Variants in TMEM131 observed in about 807,000 individuals in gnomAD.
The protein encoded by TMEM131 is 2610524E03Rik.
A neutral mutation model predicts 211.6 loss-of-function variants in TMEM131; 66 were observed. That is an observed-to-expected ratio of 0.31 (90% confidence interval 0.26 to 0.38). The LOEUF is 0.38. TMEM131 is among the 10% of genes least tolerant of loss of function. TMEM131 has a pLI of 1.00. For synonymous variants in TMEM131, 844 were observed against 841.3 expected (o/e 1.00, Z -0.06); for missense variants, 2,036 against 2,299.3 (o/e 0.89, Z 2.34).
intron 3 of TMEM131, among the ~76,000 whole-genome samples, chr2:97,896,231 T>G (rs1353640163): frequency 6.6e-6 from 1 of 151,688 alleles, no homozygotes; most frequent in Admixed American, 6.6e-5. Flanking sequence ...TCTGAGAAAC[T>G]GTTATGATTT....
intron 1 of TMEM131, among the ~76,000 whole-genome samples, chr2:97,930,587 G>A (rs1294944756): frequency 6.9e-6 from 1 of 144,676 alleles, no homozygotes; most frequent in Admixed American, 6.8e-5. Flanking sequence ...TTCAACTCTG[G>A]CATAAAACAA....
At chr2:97,866,779 T>G (rs1674288273) in intron 4 of TMEM131, among the ~76,000 whole-genome samples, 1 of 152,236 alleles carries the variant, frequency 6.6e-6, no homozygotes, top group Non-Finnish European at 1.5e-5. Flanking sequence ...TCCCAAGACT[T>G]TTTTGATTTC....
At chr2:97,879,239 C>A (rs982478569) in intron 4 of TMEM131, among the ~76,000 whole-genome samples, 81 of 152,050 alleles carry the variant, frequency 5.3e-4, no homozygotes, top group Non-Finnish European at 1.3e-4. Flanking sequence ...AGGATACCGG[C>A]AGTGAGAGAG....
chr2:97,970,030 A>G (rs1367830962), intron 1 of TMEM131, among the ~76,000 whole-genome samples: 8 of 152,218 alleles, frequency 5.3e-5, no homozygotes, highest in Non-Finnish European at 7.3e-5. Flanking sequence ...TGACTGTTAT[A>G]GTACTGCTGA....
intron 15 of TMEM131, 65 bp downstream of exon 15, chr2:97,813,906 A>G: frequency 1.5e-6 from 2 of 1,290,730 alleles, no homozygotes; most frequent in Non-Finnish European, 2.1e-6. Flanking sequence ...CGACTGCCTA[A>G]TAAGATCTGA....
intron 2 of TMEM131, among the ~76,000 whole-genome samples, chr2:97,919,002 G>A (rs1051566140): frequency 1.3e-5 from 2 of 152,176 alleles, no homozygotes; most frequent in African/African-American, 2.4e-5. Flanking sequence ...GAGCTCAGCT[G>A]GGACTGCTGA....
intron 3 of TMEM131, 86 bp from the exon 4 acceptor site, chr2:97,888,206 A>G: frequency 1.8e-6 from 2 of 1,126,180 alleles, no homozygotes; most frequent in Non-Finnish European, 2.5e-6. Flanking sequence ...GACTTTTGTC[A>G]TAACAATGCC....
chr2:97,765,439 G>C (rs1679113606), intron 35 of TMEM131: 2 of 152,394 alleles, frequency 1.3e-5, no homozygotes, highest in Admixed American at 6.5e-5. Flanking sequence ...CTCCAACACA[G>C]TGGTGAGTGC....
At chr2:97,766,375 C>A (rs553958132) in intron 34 of TMEM131, 103 bp downstream of exon 34, 30 of 1,597,410 alleles carry the variant, frequency 1.9e-5, no homozygotes, top group Admixed American at 1.7e-4. Context: ...CCTTGCATGA[C>A]TAATAACTAC....
At chr2:97,848,898 C>T (rs551125825) in intron 5 of TMEM131, among the ~76,000 whole-genome samples, 1 of 152,204 alleles carries the variant, frequency 6.6e-6, no homozygotes, top group South Asian at 2.1e-4. Context: ...GAAGAAAAGA[C>T]TTGCAAATCA....
At chr2:97,809,815 CT>C in intron 18 of TMEM131, 41 bp from the exon 19 acceptor site, 1 of 1,484,298 alleles carries the variant, frequency 6.7e-7, no homozygotes, top group Non-Finnish European at 9.2e-7. Context: ...GTAGTTAAGA[CT>C]TAGCCTGATC....
chr2:97,887,487 G>A (rs1675209445), intron 4 of TMEM131, among the ~76,000 whole-genome samples: 1 of 152,186 alleles, frequency 6.6e-6, no homozygotes, highest in Non-Finnish European at 1.5e-5. Context: ...GTATGTAGCT[G>A]CTTTGCTGGC....
chr2:97,764,998 ATC>A (rs1375080163), intron 35 of TMEM131: 1 of 152,244 alleles, frequency 6.6e-6, no homozygotes, highest in Non-Finnish European at 1.5e-5. Context: ...TGAAAGTGGC[ATC>A]TGTTTAATGG....
chr2:97,819,446 C>T (rs1031001529), intron 11 of TMEM131, among the ~76,000 whole-genome samples: 1 of 152,070 alleles, frequency 6.6e-6, no homozygotes, highest in Non-Finnish European at 1.5e-5. Context: ...TTGGAAGGGA[C>T]GTAAAAGATT....
rs574123269 is a variant in TMEM131 at position 97,777,751 on chromosome 2, A to C, written c.4145-1733T>G. 2.0e-5 allele frequency among the ~76,000 whole-genome samples: 3 copies of C among 152,142 alleles called. No individual in the cohort carries two copies. The South Asian group carries it at 6.3e-4, about 32-fold the overall frequency. ...TCTCGTTTCAAGCATAGGACTGACT[A>C]GTTTGTTTAATTATAATCGTGCCAC... is the stretch of plus-strand genomic sequence containing the variant. On this transcript the variant is annotated intron_variant, in intron 31 of 40. Transcript: ENST00000186436.
intron 11 of TMEM131, among the ~76,000 whole-genome samples, chr2:97,823,526 C>A (rs893448764): frequency 6.6e-6 from 1 of 152,118 alleles, no homozygotes; most frequent in Non-Finnish European, 1.5e-5. Context: ...TTTGGAGATA[C>A]CTGGTGTCTT....
At chr2:97,985,720 T>C (rs1360382703) in intron 1 of TMEM131, among the ~76,000 whole-genome samples, 1 of 149,468 alleles carries the variant, frequency 6.7e-6, no homozygotes, top group Non-Finnish European at 1.5e-5. Context: ...AATCAAGAAA[T>C]AGATCCCAGT....
At chr2:97,946,542 A>C (rs2104515204) in intron 1 of TMEM131, among the ~76,000 whole-genome samples, 1 of 152,124 alleles carries the variant, frequency 6.6e-6, no homozygotes, top group African/African-American at 2.4e-5. Context: ...CACTCACAAA[A>C]AACTAGCTAA....
At chr2:97,876,123 C>T (rs1015238234) in intron 4 of TMEM131, among the ~76,000 whole-genome samples, 1 of 152,134 alleles carries the variant, frequency 6.6e-6, no homozygotes, top group African/African-American at 2.4e-5. Context: ...TGGATAAATT[C>T]CTGGACACAT....
Sources: gnomAD v4.1 joint callset for allele counts (sites outside exome capture counted in the v4.1 genomes callset) on GRCh38, gnomAD v4.1.1 for gene constraint, MANE v1.5 for transcripts, NCBI Gene and HGNC (gene_info 2026-07-23, HGNC 2026-07-21) for gene names.